The following GNA14 variants were observed in gnomAD, a reference collection of about 807,000 sequenced individuals.
The protein encoded by GNA14 is G protein subunit alpha 14, also known as guanine nucleotide-binding protein subunit alpha-14.
Under a neutral mutation model 42.0 loss-of-function variants are expected in GNA14, and 50 were observed. That is an observed-to-expected ratio of 1.19 (90% CI 0.95 to 1.51). The LOEUF (loss-of-function observed/expected upper bound fraction) is 1.51, where lower values mean the gene tolerates loss of function less well. Among genes scored for constraint, GNA14 ranks in the 40% most tolerant of loss-of-function variants. The pLI, the probability that GNA14 is intolerant of heterozygous loss-of-function variation, is 0.00. For synonymous variants in GNA14, 173 were observed against 163.1 expected (o/e 1.06, Z -0.46); for missense variants, 473 against 446.2 (o/e 1.06, Z -0.54).
chr9:77,428,458 TCCGA>T (rs1226043020), intron 5 of GNA14, among the ~76,000 whole-genome samples: 1 of 152,058 alleles, frequency 6.6e-6, no homozygotes. Flanking sequence ...TTGAATAGGT[TCCGA>T]CCTTAGCAGC....
intron 1 of GNA14, among the ~76,000 whole-genome samples, chr9:77,549,012 C>T (rs1837758538): frequency 6.6e-6 from 1 of 151,972 alleles, no homozygotes; most frequent in South Asian, 2.1e-4. Flanking sequence ...CAATCTAGGC[C>T]CACTGCAACC....
In GNA14 at chr9:77,475,371, G is replaced by C. The variant is rs141743479; in HGVS notation, c.310-40849C>G. Among the ~76,000 whole-genome samples, 217 of 152,296 alleles carry C rather than the reference G, an allele frequency of 1.4e-3. 2 individuals carry two copies. The highest frequency in any genetic ancestry group is 0.012 in the South Asian group (59 of 4,828). Reference sequence around the variant, plus strand: ...AACATGGTCACTAGGATCAGAACTTGAAAAGGCTTAGTTGGATGACAGGGC... The same window carrying C: ...AACATGGTCACTAGGATCAGAACTTCAAAAGGCTTAGTTGGATGACAGGGC... On this transcript the variant is annotated intron_variant, in intron 2 of 6. Coordinates refer to ENST00000341700, the MANE Select transcript of GNA14 (RefSeq NM_004297.4).
chr9:77,556,963 C>A (rs1822793454), intron 1 of GNA14, among the ~76,000 whole-genome samples: 1 of 152,168 alleles, frequency 6.6e-6, no homozygotes, highest in Non-Finnish European at 1.5e-5. Flanking sequence ...AAACAGGAAA[C>A]ACATTTATAC....
At chr9:77,508,474 C>T (rs1194694710) in intron 2 of GNA14, among the ~76,000 whole-genome samples, 2 of 152,182 alleles carry the variant, frequency 1.3e-5, no homozygotes, top group African/African-American at 4.8e-5. Context: ...AAAATGTCTG[C>T]ATGCATTTGT....
chr9:77,628,038 G>C (rs1824039464), intron 1 of GNA14, among the ~76,000 whole-genome samples: 1 of 152,168 alleles, frequency 6.6e-6, no homozygotes, highest in African/African-American at 2.4e-5. Flanking sequence ...AGCAACTTCA[G>C]CAAAGTCTCA....
intron 2 of GNA14, among the ~76,000 whole-genome samples, chr9:77,479,524 A>G (rs1187293232): frequency 6.6e-6 from 1 of 152,058 alleles, no homozygotes; most frequent in South Asian, 2.1e-4. Flanking sequence ...TTGGTTCCAT[A>G]TGAACTTTAA....
chr9:77,590,725 G>T (rs1230509683), intron 1 of GNA14, among the ~76,000 whole-genome samples: 1 of 151,342 alleles, frequency 6.6e-6, no homozygotes. Flanking sequence ...AAAAAAATAA[G>T]ATTATGACAA....
At chr9:77,449,009 C>G (rs1203734390) in intron 2 of GNA14, among the ~76,000 whole-genome samples, 2 of 152,194 alleles carry the variant, frequency 1.3e-5, no homozygotes, top group African/African-American at 2.4e-5. Flanking sequence ...TTTCAGCCAA[C>G]AGCAGGCTGC....
chr9:77,457,450 TA>T (rs1410948146), intron 2 of GNA14, among the ~76,000 whole-genome samples: 1 of 152,206 alleles, frequency 6.6e-6, no homozygotes, highest in Admixed American at 6.5e-5. Context: ...GTAAAGGGAC[TA>T]AGCCCAATTG....
chr9:77,538,066 C>CA (rs1554696389), intron 1 of GNA14, among the ~76,000 whole-genome samples: 1 of 138,484 alleles, frequency 7.2e-6, no homozygotes, highest in African/African-American at 2.8e-5. Context: ...ACAGAAGCTT[C>CA]TTTTTTTTTT....
intron 1 of GNA14, among the ~76,000 whole-genome samples, chr9:77,571,751 G>A (rs1402717092): frequency 1.9e-5 from 2 of 107,348 alleles, no homozygotes; most frequent in Admixed American, 2.4e-4. Context: ...GCAAACCTCT[G>A]CCTTCAAAAA....
intron 1 of GNA14, among the ~76,000 whole-genome samples, chr9:77,614,817 G>C (rs1170674126): frequency 6.6e-6 from 1 of 152,130 alleles, no homozygotes; most frequent in Admixed American, 6.5e-5. Context: ...CCACTGCCTA[G>C]ATTCTCCCCA....
At chr9:77,572,959 A>G (rs547107416) in intron 1 of GNA14, among the ~76,000 whole-genome samples, 40 of 152,328 alleles carry the variant, frequency 2.6e-4, no homozygotes, top group African/African-American at 9.1e-4. Context: ...ATAAACTATG[A>G]CTAATAAGCC....
At chr9:77,545,512 G>A (rs1837708655) in intron 1 of GNA14, among the ~76,000 whole-genome samples, 1 of 152,138 alleles carries the variant, frequency 6.6e-6, no homozygotes, top group African/African-American at 2.4e-5. Flanking sequence ...GCTCTTGAAA[G>A]GTCCAGTTTA....
intron 2 of GNA14, among the ~76,000 whole-genome samples, chr9:77,474,100 T>C (rs934630113): frequency 6.6e-6 from 1 of 152,098 alleles, no homozygotes; most frequent in South Asian, 2.1e-4. Flanking sequence ...GGTTAGGCAG[T>C]GGATTATGAG....
intron 2 of GNA14, among the ~76,000 whole-genome samples, chr9:77,479,505 G>T (rs1244422965): frequency 6.6e-6 from 1 of 152,106 alleles, no homozygotes; most frequent in African/African-American, 2.4e-5. Flanking sequence ...TGGTGATGCG[G>T]GCTCTTTTTT....
At chr9:77,440,126 T>A (rs1034596478) in intron 2 of GNA14, among the ~76,000 whole-genome samples, 3 of 152,262 alleles carry the variant, frequency 2.0e-5, no homozygotes, top group African/African-American at 7.2e-5. Context: ...AGTGAGCTCA[T>A]ATCTGGCTTT....
At chr9:77,568,851 G>T (rs745408633) in intron 1 of GNA14, among the ~76,000 whole-genome samples, 1 of 152,188 alleles carries the variant, frequency 6.6e-6, no homozygotes, top group Non-Finnish European at 1.5e-5. Context: ...TGGTCTTGTG[G>T]AGGGAGCAAA....
In GNA14 at chr9:77,561,229, G is replaced by C. The variant is rs547705832; in HGVS notation, c.125-31976C>G. Among the ~76,000 whole-genome samples, 5 of 152,196 alleles carry C rather than the reference G, an allele frequency of 3.3e-5. No individual in the cohort carries two copies. The South Asian group carries it at 1.0e-3, about 31-fold the overall frequency. ...GGCTGAACCAGGAAATAAGGATGGC[G>C]TGTGGCTAAGTTTATCTATCACACC... On this transcript the variant is annotated intron_variant, in intron 1 of 6. Transcript: ENST00000341700.
Sources: gnomAD v4.1 joint callset for allele counts (sites outside exome capture counted in the v4.1 genomes callset) on GRCh38, gnomAD v4.1.1 for gene constraint, MANE v1.5 for transcripts, NCBI Gene and HGNC (gene_info 2026-07-23, HGNC 2026-07-21) for gene names.